PCDH11Y: variants seen among roughly 807,000 people sequenced by gnomAD.
PCDH11Y encodes protocadherin-11 Y-linked.
For missense variants in PCDH11Y, 12 were observed against 224.8 expected (o/e 0.05, Z 6.05); for synonymous variants, 9 against 83.6 (o/e 0.11, Z 4.87).
chrY:5,160,768 TC>T (rs2052874003), intron 2 of PCDH11Y, among the ~76,000 whole-genome samples: 1 of 32,395 alleles, frequency 3.1e-5, no homozygotes, highest in East Asian at 8.2e-4. Flanking sequence ...GTTTCGGGAA[TC>T]TAGTCGAATT....
intron 2 of PCDH11Y, among the ~76,000 whole-genome samples, chrY:5,359,282 G>T: frequency 6.2e-5 from 2 of 32,273 alleles, no homozygotes; most frequent in African/African-American, 1.2e-4. Flanking sequence ...TAAACAAATG[G>T]TGGGTTATTC....
chrY:5,441,389 G>A, intron 2 of PCDH11Y, among the ~76,000 whole-genome samples: 1 of 32,692 alleles, frequency 3.1e-5, no homozygotes, highest in Admixed American at 2.8e-4. Context: ...GCCAAGTCTT[G>A]AGATACAAGA....
At chrY:5,583,709 A>T (rs2124697651) in intron 4 of PCDH11Y, among the ~76,000 whole-genome samples, 1 of 23,529 alleles carries the variant, frequency 4.3e-5, no homozygotes, top group South Asian at 1.1e-3. Context: ...TTGGATATGA[A>T]ATCAATATTC....
At chrY:5,524,159 C>T in intron 3 of PCDH11Y, among the ~76,000 whole-genome samples, 1 of 33,819 alleles carries the variant, frequency 3.0e-5, no homozygotes, top group Non-Finnish European at 7.4e-5. Context: ...TTGATGCCAT[C>T]AAAGGATACT....
At chrY:5,201,381 T>C in intron 2 of PCDH11Y, among the ~76,000 whole-genome samples, 2 of 33,798 alleles carry the variant, frequency 5.9e-5, no homozygotes, top group Non-Finnish European at 1.5e-4. Context: ...TTACCACTTA[T>C]AGTAGTTTTT....
intron 4 of PCDH11Y, among the ~76,000 whole-genome samples, chrY:5,729,759 C>T (rs1602964909): frequency 3.1e-5 from 1 of 32,743 alleles, no homozygotes; most frequent in East Asian, 8.0e-4. Context: ...ATTGGTCTCA[C>T]ATTTAAATCT....
intron 3 of PCDH11Y, among the ~76,000 whole-genome samples, chrY:5,046,845 G>A: frequency 8.9e-5 from 3 of 33,720 alleles, no homozygotes; most frequent in Admixed American, 2.6e-4. Flanking sequence ...TCGGAAAAGC[G>A]CAGTATTCAG....
At chrY:5,716,503 A>G in intron 4 of PCDH11Y, among the ~76,000 whole-genome samples, 1 of 33,279 alleles carries the variant, frequency 3.0e-5, no homozygotes, top group Non-Finnish European at 7.5e-5. Context: ...ACAAAAGTAA[A>G]TACCTAAGAA....
chrY:5,416,195 C>T, intron 2 of PCDH11Y, among the ~76,000 whole-genome samples: 1 of 32,809 alleles, frequency 3.0e-5, no homozygotes, highest in African/African-American at 1.2e-4. Context: ...CTGAACTGGC[C>T]GACTTCTCTG....
At chrY:5,236,176 A>G in intron 2 of PCDH11Y, among the ~76,000 whole-genome samples, 1 of 32,959 alleles carries the variant, frequency 3.0e-5, no homozygotes, top group Admixed American at 2.8e-4. Flanking sequence ...TTGAAGGAAG[A>G]GCAAACACCA....
chrY:5,552,359 A>G, intron 3 of PCDH11Y, among the ~76,000 whole-genome samples: 2 of 33,073 alleles, frequency 6.0e-5, no homozygotes, highest in South Asian at 6.8e-4. Flanking sequence ...CTTTAGGGTC[A>G]TACCTCTGAA....
At chrY:5,257,154 T>TC (rs2053012037) in intron 2 of PCDH11Y, among the ~76,000 whole-genome samples, 1 of 33,239 alleles carries the variant, frequency 3.0e-5, no homozygotes, top group Non-Finnish European at 7.4e-5. Flanking sequence ...TTTTTCCCAT[T>TC]CAGTATGATA....
intron 3 of PCDH11Y, among the ~76,000 whole-genome samples, chrY:5,561,892 ACT>A (rs2124695228): frequency 3.2e-5 from 1 of 31,717 alleles, no homozygotes; most frequent in Non-Finnish European, 7.7e-5. Flanking sequence ...AATTAGCTTA[ACT>A]CTTTACAATT....
Position 5,588,304 on chromosome Y carries a change from T to C in PCDH11Y, c.3352+6506T>C, listed in dbSNP as rs72617655. ...ATACTGTCTAGGTCTTGAAAAGTTGTAGTTATTATTTTTTATTGGTTCCTG... is the reference window on the plus strand; with the variant it reads ...ATACTGTCTAGGTCTTGAAAAGTTGCAGTTATTATTTTTTATTGGTTCCTG... On this transcript the variant is annotated intron_variant, in intron 4 of 4. Coordinates refer to the PCDH11Y transcript ENST00000400457. 2.1e-3 allele frequency among the ~76,000 whole-genome samples: 69 copies of C among 32,947 alleles called. No individual in the cohort carries two copies. The East Asian group carries it at 0.056, about 27-fold the overall frequency. The allele number at this position is 32,947 out of a possible 37,273, so 88.4% of individuals were successfully genotyped here.
rs1180146574 is a variant in PCDH11Y at position 5,317,808 on chromosome Y, A to T, written c.3130-183249A>T. ...AGACTGTTACAAGGTGTATATAGAG[A>T]AATGTGACTATTGTGTGGTGAGAGG... On this transcript the variant is annotated intron_variant, in intron 2 of 4. Transcript: ENST00000400457. Among the ~76,000 whole-genome samples the T allele has an allele frequency of 2.4e-4, 8 of 33,293 alleles. No homozygotes were observed. The East Asian group carries it at 6.4e-3, about 27-fold the overall frequency. The allele number at this position is 33,293 out of a possible 37,273, so 89.3% of individuals were successfully genotyped here. A position where few individuals can be genotyped will look rare whatever the true frequency, so the allele number is the denominator to read the frequency against.
At chrY:5,230,622 CCTT>C (rs2052967009) in intron 2 of PCDH11Y, among the ~76,000 whole-genome samples, 60 of 31,251 alleles carry the variant, frequency 1.9e-3, no homozygotes, top group Non-Finnish European at 4.6e-4. Context: ...CTTGAGGTAA[CCTT>C]CTCCAGGTTG....
chrY:5,369,385 C>T (rs2053185191), intron 2 of PCDH11Y, among the ~76,000 whole-genome samples: 2 of 33,131 alleles, frequency 6.0e-5, no homozygotes, highest in Admixed American at 5.6e-4. Context: ...CAGGGTTTTC[C>T]GCTTTTGCTT....
chrY:5,222,538 C>T, intron 2 of PCDH11Y, among the ~76,000 whole-genome samples: 1 of 28,685 alleles, frequency 3.5e-5, no homozygotes, highest in Non-Finnish European at 8.3e-5. Context: ...ATTCTGTCAC[C>T]CAGGCTGGGG....
At chrY:5,450,815 T>C (rs2053292504) in intron 2 of PCDH11Y, among the ~76,000 whole-genome samples, 1 of 33,393 alleles carries the variant, frequency 3.0e-5, no homozygotes, top group Non-Finnish European at 7.4e-5. Flanking sequence ...AGTTTCTAAA[T>C]ATTTCTCACA....
Sources: allele counts gnomAD v4.1 joint callset (sites outside exome capture counted in the v4.1 genomes callset), GRCh38; gene constraint gnomAD v4.1.1; transcripts MANE v1.5; gene names NCBI Gene and HGNC (gene_info 2026-07-23, HGNC 2026-07-21).